The following CPLX1 variants were observed in gnomAD, a reference collection of about 807,000 sequenced individuals.
CPLX1 encodes the protein complexin-1.
In CPLX1, 6 loss-of-function variants were observed where a neutral mutation model predicts 15.6. That is an observed-to-expected ratio of 0.39 (90% CI 0.21 to 0.76). The LOEUF is 0.76. CPLX1 is among the 30% of genes least tolerant of loss of function. CPLX1 has a pLI of 0.43. For synonymous variants in CPLX1, 91 were observed against 75.2 expected (o/e 1.21, Z -1.08); for missense variants, 242 against 188.6 (o/e 1.28, Z -1.66).
At chr4:791,178 C>CA (rs1746160753) in intron 3 of CPLX1, among the ~76,000 whole-genome samples, 2 of 75,134 alleles carry the variant, frequency 2.7e-5, no homozygotes, top group Admixed American at 2.2e-4. Flanking sequence ...AGCTGCGGGG[C>CA]GGGGGGCGGG....
chr4:825,201 G>C, intron 1 of CPLX1, among the ~76,000 whole-genome samples: 1 of 152,126 alleles, frequency 6.6e-6, no homozygotes, highest in East Asian at 2.0e-4. Context: ...GAGCACCCCC[G>C]CCCCGGGGGC....
chr4:802,625 T>G (rs920403380), intron 2 of CPLX1, among the ~76,000 whole-genome samples: 2 of 152,092 alleles, frequency 1.3e-5, no homozygotes, highest in Non-Finnish European at 2.9e-5. Context: ...ACCCTTCAAC[T>G]GAAGAGGAAA....
chr4:806,470 A>G (rs1746556535), intron 2 of CPLX1, among the ~76,000 whole-genome samples: 1 of 152,240 alleles, frequency 6.6e-6, no homozygotes, highest in Non-Finnish European at 1.5e-5. Context: ...AGGCAATACC[A>G]TTCAGGACAT....
intron 2 of CPLX1, chr4:804,797 G>A (rs1746522905): frequency 4.1e-6 from 4 of 985,444 alleles, no homozygotes; most frequent in Non-Finnish European, 4.8e-6. Flanking sequence ...CCCAGAGACG[G>A]CTCTGGCGGT....
intron 1 of CPLX1, among the ~76,000 whole-genome samples, chr4:825,118 G>A (rs1238815572): frequency 6.6e-6 from 1 of 152,150 alleles, no homozygotes; most frequent in African/African-American, 2.4e-5. Flanking sequence ...CACATGGCCC[G>A]CGTAGAAGAG....
chr4:792,330 AC>A, intron 3 of CPLX1, 102 bp downstream of exon 3: 1 of 920,124 alleles, frequency 1.1e-6, no homozygotes, highest in Non-Finnish European at 1.4e-6. Flanking sequence ...GCCCAGGGGG[AC>A]GCCCGCCCCT....
At chr4:812,858 C>T (rs1369960878) in intron 2 of CPLX1, among the ~76,000 whole-genome samples, 2 of 152,186 alleles carry the variant, frequency 1.3e-5, no homozygotes, top group Non-Finnish European at 2.9e-5. Flanking sequence ...CGCTGGCCGT[C>T]CTAATGCCAG....
intron 2 of CPLX1, among the ~76,000 whole-genome samples, chr4:814,396 G>A (rs147786984): frequency 0.085 from 12,877 of 152,052 alleles, 705 homozygotes; most frequent in East Asian, 0.19. Flanking sequence ...TATTTTTAGT[G>A]GAGACCGGGT....
At chr4:824,649 C>T (rs755996566) in intron 1 of CPLX1, 48 bp from the exon 2 acceptor site, 7 of 1,009,018 alleles carry the variant, frequency 6.9e-6, no homozygotes, top group Middle Eastern at 2.0e-4. Flanking sequence ...AGGCCCCTGC[C>T]TGGCCTTCCC....
intron 2 of CPLX1, among the ~76,000 whole-genome samples, chr4:794,126 CGAGGGTGGGCAG>C (rs1560238562): frequency 6.6e-6 from 1 of 152,218 alleles, no homozygotes; most frequent in African/African-American, 2.4e-5. Flanking sequence ...AGCTCCCTGT[CGAGGGTGGGCAG>C]GAGCTGTCAT....
intron 2 of CPLX1, among the ~76,000 whole-genome samples, chr4:816,122 C>T (rs1746751140): frequency 6.6e-6 from 1 of 152,106 alleles, no homozygotes; most frequent in Non-Finnish European, 1.5e-5. Context: ...AGCTCACTGA[C>T]TGCACTCACT....
chr4:790,854 CG>C (rs1560236735), intron 3 of CPLX1, among the ~76,000 whole-genome samples: 1 of 152,060 alleles, frequency 6.6e-6, no homozygotes, highest in Non-Finnish European at 1.5e-5. Flanking sequence ...CCCTGTGTCT[CG>C]GCCTTGATTG....
At chr4:809,007 C>T (rs1050065488) in intron 2 of CPLX1, among the ~76,000 whole-genome samples, 4 of 152,262 alleles carry the variant, frequency 2.6e-5, no homozygotes, top group Non-Finnish European at 4.4e-5. Context: ...AGAGAGCGCG[C>T]GAGTGCGCGG....
At chr4:791,589 G>A (rs974499697) in intron 3 of CPLX1, among the ~76,000 whole-genome samples, 3 of 152,190 alleles carry the variant, frequency 2.0e-5, no homozygotes, top group South Asian at 2.1e-4. Flanking sequence ...AGGTGCCGCC[G>A]GCAGCAGGGA....
At chr4:800,505 C>T (rs62294153) in intron 2 of CPLX1, among the ~76,000 whole-genome samples, 14,596 of 147,054 alleles carry the variant, frequency 0.099, 946 homozygotes, top group East Asian at 0.28. Flanking sequence ...CACACATATA[C>T]ACACACAGAC....
intron 3 of CPLX1, chr4:787,728 GC>G (rs1229520590): frequency 2.0e-6 from 2 of 984,168 alleles, no homozygotes; most frequent in Non-Finnish European, 2.4e-6. Flanking sequence ...TTTTTGTCAG[GC>G]CCCGGGGTTT....
chr4:816,024 G>A (rs1056922931), intron 2 of CPLX1, among the ~76,000 whole-genome samples: 26 of 152,148 alleles, frequency 1.7e-4, no homozygotes, highest in African/African-American at 3.6e-4. Flanking sequence ...GCCTGTTAAG[G>A]GAAATTATAT....
intron 2 of CPLX1, among the ~76,000 whole-genome samples, chr4:818,896 C>G: frequency 6.6e-6 from 1 of 152,212 alleles, no homozygotes; most frequent in Middle Eastern, 3.2e-3. Flanking sequence ...GGTGGGGCCT[C>G]GCCTCATCCC....
At chr4:809,056 C>T (rs1746610047) in intron 2 of CPLX1, among the ~76,000 whole-genome samples, 2 of 152,366 alleles carry the variant, frequency 1.3e-5, no homozygotes, top group East Asian at 3.9e-4. Flanking sequence ...CAGTGCTGAA[C>T]GCTGGGCCAG....
Sources: gnomAD v4.1 joint callset for allele counts (sites outside exome capture counted in the v4.1 genomes callset) on GRCh38, gnomAD v4.1.1 for gene constraint, MANE v1.5 for transcripts, NCBI Gene and HGNC (gene_info 2026-07-23, HGNC 2026-07-21) for gene names.